The following WWP1 variants were observed in gnomAD, a reference collection of about 807,000 sequenced individuals.
WWP1 encodes WW domain containing E3 ubiquitin protein ligase 1.
In WWP1, 49 loss-of-function variants were observed where a neutral mutation model predicts 130.6. That is an observed-to-expected ratio of 0.38 (90% confidence interval 0.30 to 0.48). The LOEUF (loss-of-function observed/expected upper bound fraction) is 0.48. Among genes scored for constraint, WWP1 ranks in the 20% least tolerant of loss-of-function variants. WWP1 has a pLI of 0.99. For synonymous variants in WWP1, 332 were observed against 367.8 expected, an observed-to-expected ratio of 0.90 and a Z score of 1.11; for missense variants, 809 against 1,100.6, an observed-to-expected ratio of 0.74 and a Z score of 3.75.
At position 86,387,806 on chromosome 8, in the gene WWP1, G is replaced by A. The variant is rs574103148; in HGVS notation, c.334+6177G>A. On this transcript the variant is annotated intron_variant, in intron 5 of 24. Transcript: ENST00000517970. ...CTGAAAGTGCCGGGATTATAGGCAT[G>A]ACCCACTGCAACCCAGCTGGTGTTT... is the stretch of plus-strand genomic sequence containing the variant. Among the ~76,000 whole-genome samples the A allele has an allele frequency of 2.6e-5, 4 of 152,300 alleles. No homozygotes were observed. The East Asian group carries it at 7.7e-4, about 29-fold the overall frequency.
intron 20 of WWP1, among the ~76,000 whole-genome samples, chr8:86,449,897 A>AT (rs1197017335): frequency 1.3e-5 from 2 of 152,100 alleles, no homozygotes; most frequent in Admixed American, 6.5e-5. Context: ...ATTGTGGTGT[A>AT]TTTTTTTCTA....
intron 9 of WWP1, among the ~76,000 whole-genome samples, chr8:86,419,706 AAC>A (rs1423327801): frequency 6.6e-6 from 1 of 152,220 alleles, no homozygotes; most frequent in Non-Finnish European, 1.5e-5. Flanking sequence ...TTGAAGAATA[AAC>A]ACAAATTTCT....
chr8:86,408,278 C>T (rs1190666027), intron 8 of WWP1, among the ~76,000 whole-genome samples: 7 of 152,122 alleles, frequency 4.6e-5, no homozygotes, highest in Non-Finnish European at 8.8e-5. Flanking sequence ...TCCTTGGTTA[C>T]TTCAGTTTTT....
chr8:86,413,451 G>T (rs1338012698), intron 9 of WWP1, among the ~76,000 whole-genome samples: 1 of 152,186 alleles, frequency 6.6e-6, no homozygotes, highest in African/African-American at 2.4e-5. Context: ...TATGCCAGAG[G>T]TAAGTTTAGG....
intron 17 of WWP1, chr8:86,440,682 A>T: frequency 2.2e-6 from 1 of 454,888 alleles, no homozygotes; most frequent in South Asian, 1.6e-5. Context: ...ATGTCTTTGA[A>T]TATTTTTTCT....
At chr8:86,440,610 T>C (rs1330151242) in intron 17 of WWP1, 1 of 440,252 alleles carries the variant, frequency 2.3e-6, no homozygotes, top group Admixed American at 2.6e-5. Context: ...GTTGATTGTT[T>C]TGTATCTTTT....
intron 21 of WWP1, among the ~76,000 whole-genome samples, chr8:86,456,960 G>C (rs1209681521): frequency 1.3e-5 from 2 of 151,872 alleles, no homozygotes; most frequent in African/African-American, 4.8e-5. Context: ...CCTAAAACTA[G>C]AGATGAGGAT....
intron 10 of WWP1, among the ~76,000 whole-genome samples, chr8:86,426,591 G>C (rs1334810783): frequency 6.6e-6 from 1 of 152,128 alleles, no homozygotes; most frequent in Non-Finnish European, 1.5e-5. Context: ...CAAATAGTTG[G>C]TTAGACTCTC....
At chr8:86,425,412 C>A in intron 10 of WWP1, 94 bp downstream of exon 10, 1 of 827,500 alleles carries the variant, frequency 1.2e-6, no homozygotes, top group Non-Finnish European at 1.8e-6. Flanking sequence ...TTCTTTCATT[C>A]TGCATATATT....
chr8:86,427,728 G>T lies in WWP1; in HGVS notation c.1243G>T (p.Glu415Ter), dbSNP rs749327525. ...RTTTWQRPTM[E>*]SVRNFEQWQS... Reference sequence around the variant, plus strand: ...AACAACGTGGCAGCGGCCTACCATGGAATCTGTCCGAAATTTTGAACAGTG... The same window carrying T: ...AACAACGTGGCAGCGGCCTACCATGTAATCTGTCCGAAATTTTGAACAGTG... Residue 415 changes from glutamate (E) to a stop codon, truncating the protein, a stop_gained, in exon 11 of 25, where the codon GAA (glutamate) becomes TAA (stop). Transcript: ENST00000517970. LOFTEE classifies it high-confidence loss of function. The T allele has an allele frequency of 1.9e-6, 3 of 1,614,060 alleles. No homozygotes were observed. Among genetic ancestry groups the T allele is most frequent in the Non-Finnish European group, 2.5e-6 (3 of 1,179,968 alleles).
chr8:86,430,440 C>T (rs923949817), intron 11 of WWP1, among the ~76,000 whole-genome samples: 15 of 151,890 alleles, frequency 9.9e-5, no homozygotes, highest in African/African-American at 3.6e-4. Context: ...GCCAACACAT[C>T]TGGCTAATTA....
intron 1 of WWP1, among the ~76,000 whole-genome samples, chr8:86,358,054 T>G (rs936829138): frequency 1.1e-4 from 16 of 152,218 alleles, no homozygotes; most frequent in African/African-American, 3.9e-4. Flanking sequence ...ACTTCTAAAG[T>G]GTTTGGAATG....
At chr8:86,384,053 A>T (rs1361777133) in intron 5 of WWP1, among the ~76,000 whole-genome samples, 4 of 152,144 alleles carry the variant, frequency 2.6e-5, no homozygotes, top group African/African-American at 9.7e-5. Context: ...GTAGATGGAC[A>T]TCTTTTCCCT....
chr8:86,398,434 G>A lies in WWP1; in HGVS notation c.427G>A (p.Val143Met). The A allele has an allele frequency of 1.2e-6, 2 of 1,612,926 alleles. No individual in the cohort carries two copies. The highest frequency in any genetic ancestry group is 1.7e-6 in the Non-Finnish European group (2 of 1,179,268). Residue 143 changes from valine (V) to methionine (M), a missense_variant, in exon 6 of 25, where the codon GTG (valine) becomes ATG (methionine). Around this residue, in one of 3 missense-constraint regions of WWP1, gnomAD observed 262 missense variants for 346.0 expected, o/e 0.76. Coordinates refer to ENST00000517970, the MANE Select transcript of WWP1 (RefSeq NM_007013.4). Reference sequence around the variant, plus strand: ...ATTGACAGTTGTGCTTGATGGATTGGTGATTGAGCAAGAAAATATAACAAA... The same window carrying A: ...ATTGACAGTTGTGCTTGATGGATTGATGATTGAGCAAGAAAATATAACAAA... Reference protein sequence around the residue: ...GELTVVLDGLVIEQENITNCS... With the variant: ...GELTVVLDGLMIEQENITNCS...
At chr8:86,367,344 CAG>C (rs1219766650) in intron 1 of WWP1, among the ~76,000 whole-genome samples, 2 of 152,198 alleles carry the variant, frequency 1.3e-5, no homozygotes, top group Non-Finnish European at 2.9e-5. Context: ...CTTAACACTG[CAG>C]AGTGTGCAGA....
chr8:86,416,849 C>G (rs1252199438), intron 9 of WWP1, among the ~76,000 whole-genome samples: 2 of 152,098 alleles, frequency 1.3e-5, no homozygotes, highest in Non-Finnish European at 2.9e-5. Context: ...TTTATAGGTA[C>G]AGCTCTAGCA....
intron 1 of WWP1, among the ~76,000 whole-genome samples, chr8:86,359,514 A>G (rs1386355258): frequency 6.6e-6 from 1 of 152,070 alleles, no homozygotes; most frequent in Non-Finnish European, 1.5e-5. Flanking sequence ...TGCCCCAAAG[A>G]GTGTCTCCTA....
At chr8:86,393,386 T>C (rs1586340976) in intron 5 of WWP1, among the ~76,000 whole-genome samples, 1 of 152,064 alleles carries the variant, frequency 6.6e-6, no homozygotes, top group East Asian at 1.9e-4. Context: ...TAGCTGGGAC[T>C]GCAGGCACGT....
chr8:86,428,820 C>T (rs1254312800), intron 11 of WWP1, among the ~76,000 whole-genome samples: 1 of 152,056 alleles, frequency 6.6e-6, no homozygotes, highest in Non-Finnish European at 1.5e-5. Flanking sequence ...ATATATATAG[C>T]TATATACATC....
Sources: gnomAD v4.1 joint callset for allele counts (sites outside exome capture counted in the v4.1 genomes callset) on GRCh38, gnomAD v4.1.1 for gene constraint, gnomAD v4.1.1 regional missense constraint, MANE v1.5 for transcripts, NCBI Gene and HGNC (gene_info 2026-07-23, HGNC 2026-07-21) for gene names.